Variants in ZFHX3 observed in about 807,000 individuals in gnomAD.
ZFHX3 encodes zinc finger homeobox protein 3.
A neutral mutation model predicts 279.1 loss-of-function variants in ZFHX3; 42 were observed. That is an observed-to-expected ratio of 0.15 (90% CI 0.12 to 0.19). The LOEUF is 0.19. Ranked by LOEUF, ZFHX3 falls within the 10% of genes least tolerant of loss-of-function variation. The probability of loss-of-function intolerance (pLI) is 1.00; values close to 1 mark genes in which losing one functional copy is unlikely to be tolerated. For missense variants in ZFHX3, 4,981 were observed against 4,754.0 expected, an observed-to-expected ratio of 1.05 and a Z score of -1.40; for synonymous variants, 2,293 against 1,957.8, an observed-to-expected ratio of 1.17 and a Z score of -4.52.
intron 4 of ZFHX3, among the ~76,000 whole-genome samples, chr16:73,298,709 G>A (rs1380368018): frequency 6.6e-6 from 1 of 152,152 alleles, no homozygotes; most frequent in African/African-American, 2.4e-5. Flanking sequence ...GGCTTTTACT[G>A]AGAATCTCCA....
chr16:72,960,645 G>T (rs889547356), intron 1 of ZFHX3, among the ~76,000 whole-genome samples: 1 of 152,176 alleles, frequency 6.6e-6, no homozygotes, highest in Non-Finnish European at 1.5e-5. Context: ...TGTGGGTCAG[G>T]GGAACACAGG....
intron 7 of ZFHX3, among the ~76,000 whole-genome samples, chr16:73,114,756 T>C (rs9928752): frequency 0.71 from 108,654 of 152,124 alleles, 39,284 homozygotes; most frequent in Non-Finnish European, 0.78. Context: ...TTTGCCACCT[T>C]GTGAATGGCC....
Position 73,017,342 on chromosome 16 carries a change from T to C in ZFHX3, c.-50+30410A>G, listed in dbSNP as rs1053780233. On this transcript the variant is annotated intron_variant, in intron 1 of 9. Coordinates refer to ENST00000268489, the MANE Select transcript of ZFHX3 (RefSeq NM_006885.4). ...CGTTTGGATTCAGGGGAGTGGGGTC[T>C]TAGTTTTGCTCTCATTCAGGGAGGT... 2.6e-5 allele frequency among the ~76,000 whole-genome samples: 4 copies of C among 152,206 alleles called. No individual in the cohort carries two copies. In the South Asian group the frequency reaches 6.2e-4, roughly 24 times the overall value.
intron 4 of ZFHX3, among the ~76,000 whole-genome samples, chr16:73,302,909 G>T (rs115845832): frequency 0.017 from 2,640 of 152,302 alleles, 80 homozygotes; most frequent in South Asian, 0.073. Context: ...TGAGCAGGTG[G>T]CATTAAACTG....
intron 1 of ZFHX3, among the ~76,000 whole-genome samples, chr16:73,750,600 G>C (rs142658189): frequency 9.1e-4 from 138 of 152,264 alleles, no homozygotes; most frequent in Non-Finnish European, 1.6e-3. Context: ...GGGATTCCTG[G>C]ATGGGAGTAA....
intron 1 of ZFHX3, among the ~76,000 whole-genome samples, chr16:73,812,233 CA>C (rs1219645734): frequency 6.6e-6 from 1 of 152,154 alleles, no homozygotes; most frequent in Non-Finnish European, 1.5e-5. Flanking sequence ...GCTGGGCATC[CA>C]TCCAGCTTCA....
chr16:72,990,403 CT>C (rs1963036729), intron 1 of ZFHX3, among the ~76,000 whole-genome samples: 1 of 152,208 alleles, frequency 6.6e-6, no homozygotes, highest in Non-Finnish European at 1.5e-5. Context: ...CATCGTGCCC[CT>C]GCCTCCAAGG....
At position 73,822,659 on chromosome 16, in the gene ZFHX3, G is replaced by A. The variant is rs531291396; in HGVS notation, c.-1608+68992C>T. ...TCTCATCATTTACTGTAAAGTGTGT[G>A]CCTGGCAGTTGTAACTGAGTTCAAT... On this transcript the variant is annotated intron_variant, in intron 1 of 17. Transcript: ENST00000641206. 1.8e-4 allele frequency among the ~76,000 whole-genome samples: 27 copies of A among 152,286 alleles called. No homozygotes were observed. The South Asian group carries it at 5.4e-3, about 30-fold the overall frequency.
chr16:72,873,245 A>T lies in ZFHX3; in HGVS notation c.3448+16486T>A, dbSNP rs78612628. Among the ~76,000 whole-genome samples, 479 of 152,334 alleles carry T rather than the reference A, an allele frequency of 3.1e-3. 2 individuals are homozygous for T. Among genetic ancestry groups the T allele is most frequent in the Non-Finnish European group, 6.0e-3 (411 of 68,036 alleles). ...AGCAACCAGTATTTACAACTAACAG[A>T]TGTTTAATAAACAGCTGCAAAGCTC... On this transcript the variant is annotated intron_variant, in intron 4 of 9. Coordinates refer to ENST00000268489, the MANE Select transcript of ZFHX3 (RefSeq NM_006885.4).
chr16:72,898,615 T>A (rs2038955599), intron 3 of ZFHX3, among the ~76,000 whole-genome samples: 1 of 152,120 alleles, frequency 6.6e-6, no homozygotes, highest in Non-Finnish European at 1.5e-5. Context: ...GACGCCTCCA[T>A]GTAAACAGAT....
At chr16:73,707,675 G>A (rs973735590) in intron 1 of ZFHX3, among the ~76,000 whole-genome samples, 2 of 151,650 alleles carry the variant, frequency 1.3e-5, no homozygotes, top group African/African-American at 4.8e-5. Flanking sequence ...CACCAACATG[G>A]CACATGTGTA....
rs1162066393 is a variant in ZFHX3, at chr16:73,682,948, AAG to A, written c.-1607-2710_-1607-2709del. Among the ~76,000 whole-genome samples the A allele has an allele frequency of 7.1e-4, 15 of 21,000 alleles. 1 individual carries two copies. Among genetic ancestry groups the A allele is most frequent in the African/African-American group, 1.6e-3 (13 of 8,082 alleles). 13.8% of individuals were successfully genotyped at this position (21,000 alleles called of 152,430 possible). On this transcript the variant is annotated intron_variant, in intron 1 of 17. Coordinates refer to the ZFHX3 transcript ENST00000641206. ...AGAGAAAGAAAGAAAGAAAGAAAGA[AAG>A]AAAGAAAGAAAGAAAGAAAGAAAGA...
chr16:73,402,669 T>G (rs1272490096), intron 3 of ZFHX3, among the ~76,000 whole-genome samples: 2 of 152,212 alleles, frequency 1.3e-5, no homozygotes, highest in Admixed American at 1.3e-4. Flanking sequence ...TGCTCACTCC[T>G]TAACTTATAA....
At chr16:73,056,604 G>A (rs912907414) in intron 1 of ZFHX3, among the ~76,000 whole-genome samples, 4 of 152,172 alleles carry the variant, frequency 2.6e-5, no homozygotes, top group Admixed American at 2.6e-4. Flanking sequence ...AGCTACTATG[G>A]AGTGGACTTC....
At chr16:72,993,002 C>T (rs1198836873) in intron 1 of ZFHX3, among the ~76,000 whole-genome samples, 1 of 152,198 alleles carries the variant, frequency 6.6e-6, no homozygotes, top group Non-Finnish European at 1.5e-5. Context: ...CCGGGCATGG[C>T]GCTAGGCGCC....
chr16:73,449,828 G>A (rs1052301807), intron 3 of ZFHX3, among the ~76,000 whole-genome samples: 3 of 151,904 alleles, frequency 2.0e-5, no homozygotes, highest in African/African-American at 7.3e-5. Flanking sequence ...CTAGAAAAAG[G>A]TTTTCTCCAT....
At chr16:72,988,078 C>T (rs1466369043) in intron 1 of ZFHX3, among the ~76,000 whole-genome samples, 6 of 152,194 alleles carry the variant, frequency 3.9e-5, no homozygotes, top group Non-Finnish European at 7.3e-5. Flanking sequence ...AAAAAACATA[C>T]CCTAAGAACA....
At chr16:73,393,306 T>C (rs2017057564) in intron 3 of ZFHX3, among the ~76,000 whole-genome samples, 1 of 152,210 alleles carries the variant, frequency 6.6e-6, no homozygotes. Flanking sequence ...TGCTTGTCAG[T>C]ACATTCTTGT....
intron 3 of ZFHX3, among the ~76,000 whole-genome samples, chr16:72,949,363 G>A (rs372779414): frequency 2.7e-4 from 41 of 152,302 alleles, no homozygotes; most frequent in East Asian, 1.9e-4. Context: ...AAGAGAGAGC[G>A]AGGGAGTGGA....
Sources: gnomAD v4.1 joint callset for allele counts (sites outside exome capture counted in the v4.1 genomes callset) on GRCh38, gnomAD v4.1.1 for gene constraint, MANE v1.5 for transcripts, NCBI Gene and HGNC (gene_info 2026-07-23, HGNC 2026-07-21) for gene names.